Variants in HSDL2 observed in about 807,000 individuals in gnomAD.
HSDL2 encodes hydroxysteroid dehydrogenase-like protein 2.
A neutral mutation model predicts 46.3 loss-of-function variants in HSDL2; 27 were observed. The observed-to-expected ratio is 0.58, with a 90% CI of 0.43 to 0.80. HSDL2 has a LOEUF of 0.80. HSDL2 is among the 30% of genes least tolerant of loss of function. The pLI is 0.00. For missense variants in HSDL2, 451 were observed against 502.7 expected (o/e 0.90, Z 0.98); for synonymous variants, 153 against 163.6 (o/e 0.94, Z 0.50).
chr9:112,384,441 C>A (rs931132966), intron 1 of HSDL2, among the ~76,000 whole-genome samples: 4 of 152,114 alleles, frequency 2.6e-5, no homozygotes, highest in African/African-American at 9.7e-5. Flanking sequence ...AATGCCCTTT[C>A]TCCTACTGGG....
In HSDL2 at chr9:112,454,130, C is replaced by G. The variant is rs766284521; in HGVS notation, c.983C>G (p.Ala328Gly). 3.1e-6 allele frequency: 5 copies of G among 1,613,652 alleles called. No homozygotes were observed. The highest frequency in any genetic ancestry group is 4.5e-5 in the East Asian group (2 of 44,892). Residue 328 changes from alanine (A) to glycine (G), a missense_variant, in exon 9 of 11, where the codon GCC becomes GGC. Coordinates refer to ENST00000398805, the MANE Select transcript of HSDL2 (RefSeq NM_032303.5). ...KDSLSDDVVK[A>G]TQAIYLFELS... ...TCTCTCAGTGATGATGTTGTTAAAG[C>G]CACTCAAGCAATCTATCTGTTTGAA...
intron 1 of HSDL2, among the ~76,000 whole-genome samples, chr9:112,396,193 T>C (rs1451826609): frequency 1.3e-5 from 2 of 152,192 alleles, no homozygotes; most frequent in Admixed American, 1.3e-4. Flanking sequence ...ATTGGTGTGA[T>C]ATGAGGCTGA....
intron 4 of HSDL2, among the ~76,000 whole-genome samples, chr9:112,413,062 C>G (rs1470593480): frequency 6.6e-6 from 1 of 151,976 alleles, no homozygotes; most frequent in Non-Finnish European, 1.5e-5. Flanking sequence ...AATATTGCTC[C>G]CAGTTAAAAG....
At chr9:112,414,415 T>G (rs1209297786) in intron 4 of HSDL2, among the ~76,000 whole-genome samples, 1 of 152,192 alleles carries the variant, frequency 6.6e-6, no homozygotes, top group Non-Finnish European at 1.5e-5. Context: ...TAGTTAGGTT[T>G]TCAGTAAACG....
At position 112,437,044 on chromosome 9, in the gene HSDL2, C is replaced by T. The variant is rs185205085; in HGVS notation, c.599-1387C>T. ...GAGTAATCTCAGCTCATTGCAACCT[C>T]TGCCTCCCAGGTTCAAGCAATTCTC... On this transcript the variant is annotated intron_variant, in intron 6 of 10. Transcript: ENST00000398805. 3.1e-3 allele frequency among the ~76,000 whole-genome samples: 467 copies of T among 148,780 alleles called. 1 individual carries two copies. Among genetic ancestry groups the T allele is most frequent in the Non-Finnish European group, 4.5e-3 (305 of 67,632 alleles).
At chr9:112,389,258 A>G (rs1465683507) in intron 1 of HSDL2, among the ~76,000 whole-genome samples, 7 of 152,168 alleles carry the variant, frequency 4.6e-5, no homozygotes, top group Non-Finnish European at 1.5e-5. Context: ...TTCTGGGCTC[A>G]AGTGATCCCC....
intron 6 of HSDL2, among the ~76,000 whole-genome samples, chr9:112,436,817 C>T (rs1461563779): frequency 6.6e-6 from 1 of 151,952 alleles, no homozygotes; most frequent in Non-Finnish European, 1.5e-5. Flanking sequence ...TTTAAAGTTA[C>T]TTCACATAAG....
intron 6 of HSDL2, among the ~76,000 whole-genome samples, chr9:112,420,157 A>C (rs1832086587): frequency 6.6e-6 from 1 of 152,078 alleles, no homozygotes; most frequent in Non-Finnish European, 1.5e-5. Context: ...CCTGGGTAGC[A>C]TGGCAAAACC....
intron 8 of HSDL2, among the ~76,000 whole-genome samples, 170 bp downstream of exon 8, chr9:112,441,940 A>C (rs1473047378): frequency 6.6e-6 from 1 of 152,080 alleles, no homozygotes; most frequent in South Asian, 2.1e-4. Flanking sequence ...TCTAGTAAAG[A>C]AGGTTGTTTT....
In HSDL2 at chr9:112,381,610, T is replaced by TC. The variant is rs538438097; in HGVS notation, c.17+1433dup. ...ACCTCGTGATCCGTCTGCCTCGGCC[T>TC]CCCAAAGTGCTGGGATTACAGGCGT... On this transcript the variant is annotated intron_variant, in intron 1 of 10. Coordinates refer to ENST00000398805, the MANE Select transcript of HSDL2 (RefSeq NM_032303.5). 2.3e-4 allele frequency among the ~76,000 whole-genome samples: 35 copies of TC among 152,212 alleles called. No individual in the cohort carries two copies. In the East Asian group the frequency reaches 5.8e-3, roughly 25 times the overall value.
chr9:112,408,598 G>T (rs1223572885), intron 3 of HSDL2, among the ~76,000 whole-genome samples: 2 of 152,208 alleles, frequency 1.3e-5, no homozygotes, highest in Non-Finnish European at 2.9e-5. Flanking sequence ...TACCTAGGCT[G>T]TATGGCATAG....
intron 1 of HSDL2, among the ~76,000 whole-genome samples, chr9:112,396,306 T>C (rs1831455492): frequency 6.6e-6 from 1 of 152,130 alleles, no homozygotes; most frequent in Non-Finnish European, 1.5e-5. Context: ...TTTAGTGGGA[T>C]GTTTAGGCCA....
chr9:112,403,811 T>A (rs1297792296), intron 1 of HSDL2, among the ~76,000 whole-genome samples, 184 bp from the exon 2 acceptor site: 1 of 152,202 alleles, frequency 6.6e-6, no homozygotes, highest in African/African-American at 2.4e-5. Context: ...TCATAAATAA[T>A]TTATCAGTCA....
At chr9:112,445,588 G>C (rs35028442) in intron 8 of HSDL2, among the ~76,000 whole-genome samples, 14,412 of 151,898 alleles carry the variant, frequency 0.095, 888 homozygotes, top group Middle Eastern at 0.17. Flanking sequence ...GCAGTGGCAT[G>C]ATCTTGGCTC....
At chr9:112,416,695 GC>G (rs1404508189) in intron 4 of HSDL2, 145 bp from the exon 5 acceptor site, 22 of 482,376 alleles carry the variant, frequency 4.6e-5, no homozygotes, top group African/African-American at 3.8e-4. Context: ...GAGCCCAGGA[GC>G]CCAGGAGCTC....
rs565145937 is a variant in HSDL2 at position 112,465,058 on chromosome 9, G to A, written c.1145-5374G>A. On this transcript the variant is annotated intron_variant, in intron 10 of 10. Transcript: ENST00000398805. ...CATAATGTTTTCAAGTTTCATCCTT[G>A]TAGTAGCATGTATTAGTATTTCATA... Among the ~76,000 whole-genome samples the A allele has an allele frequency of 2.6e-5, 4 of 152,286 alleles. No homozygotes were observed. The South Asian group carries it at 8.3e-4, about 32-fold the overall frequency.
chr9:112,470,361 C>G (rs575747411), intron 10 of HSDL2, 71 bp from the exon 11 acceptor site: 11 of 845,452 alleles, frequency 1.3e-5, no homozygotes, highest in Non-Finnish European at 2.1e-5. Context: ...TTTTACAATG[C>G]GTGTTCTTAA....
In HSDL2 at chr9:112,459,444, T is replaced by C. The variant is rs1408611742; in HGVS notation, c.1016-5T>C. 1 of 1,613,606 alleles carries C rather than the reference T, an allele frequency of 6.2e-7. No individual in the cohort carries two copies. Among genetic ancestry groups the C allele is most frequent in the Non-Finnish European group, 8.5e-7 (1 of 1,179,676 alleles). On this transcript the variant is annotated splice_polypyrimidine_tract_variant and splice_region_variant and intron_variant, in intron 9 of 10. Transcript: ENST00000398805. Reference sequence around the variant, plus strand: ...ACATTGATTTCTATATGTTTATCTCTCTAGGTGAAGATGGTGGCACGTGGT... The same window carrying C: ...ACATTGATTTCTATATGTTTATCTCCCTAGGTGAAGATGGTGGCACGTGGT...
chr9:112,455,210 C>A (rs1832988129), intron 9 of HSDL2, among the ~76,000 whole-genome samples: 1 of 151,910 alleles, frequency 6.6e-6, no homozygotes, highest in African/African-American at 2.4e-5. Context: ...AACCACTGCA[C>A]TCCAGCCTGG....
Sources: allele counts gnomAD v4.1 joint callset (sites outside exome capture counted in the v4.1 genomes callset), GRCh38; gene constraint gnomAD v4.1.1; transcripts MANE v1.5; gene names NCBI Gene and HGNC (gene_info 2026-07-23, HGNC 2026-07-21).